The following TRAPPC9 variants were observed in gnomAD, a reference collection of about 807,000 sequenced individuals.
The protein encoded by TRAPPC9 is trafficking protein particle complex subunit 9, also known as IKK2 binding protein.
Under a neutral mutation model 124.0 loss-of-function variants are expected in TRAPPC9, and 83 were observed. The observed-to-expected ratio is 0.67, with a 90% confidence interval of 0.56 to 0.80. The LOEUF (loss-of-function observed/expected upper bound fraction) is 0.80. Among genes scored for constraint, TRAPPC9 ranks in the 30% least tolerant of loss-of-function variants. The probability of loss-of-function intolerance (pLI) is 0.00; values close to 1 mark genes in which losing one functional copy is unlikely to be tolerated. For synonymous variants in TRAPPC9, 638 were observed against 617.5 expected (o/e 1.03, Z -0.49); for missense variants, 1,302 against 1,508.3 (o/e 0.86, Z 2.27).
chr8:140,248,783 C>T (rs1437104873), intron 16 of TRAPPC9, among the ~76,000 whole-genome samples: 2 of 152,088 alleles, frequency 1.3e-5, no homozygotes, highest in Non-Finnish European at 2.9e-5. Context: ...ACTTCTCTTA[C>T]CCTAGGCTAG....
intron 16 of TRAPPC9, among the ~76,000 whole-genome samples, chr8:140,233,211 T>TC (rs1267609454): frequency 7.6e-5 from 1 of 13,086 alleles, no homozygotes; most frequent in East Asian, 9.0e-4. Context: ...CTTAAGGACT[T>TC]TTTTTTTTTT....
intron 17 of TRAPPC9, among the ~76,000 whole-genome samples, chr8:140,149,776 TC>T (rs2061516218): frequency 6.6e-6 from 1 of 152,144 alleles, no homozygotes; most frequent in South Asian, 2.1e-4. Context: ...TATTTACTAA[TC>T]CCCTTCTCAT....
At chr8:139,879,196 G>A (rs1245895285) in intron 21 of TRAPPC9, among the ~76,000 whole-genome samples, 1 of 152,196 alleles carries the variant, frequency 6.6e-6, no homozygotes, top group Admixed American at 6.5e-5. Flanking sequence ...TGGAAGAATG[G>A]TGAGGGGAGC....
chr8:139,881,709 TGCTAAC>T (rs1489647644), intron 21 of TRAPPC9, among the ~76,000 whole-genome samples: 1 of 151,372 alleles, frequency 6.6e-6, no homozygotes, highest in Non-Finnish European at 1.5e-5. Context: ...GCCTACCAAC[TGCTAAC>T]CATCTCTCTA....
chr8:140,396,243 G>A (rs1054174832), intron 7 of TRAPPC9, among the ~76,000 whole-genome samples: 1 of 145,434 alleles, frequency 6.9e-6, no homozygotes, highest in East Asian at 2.1e-4. Context: ...CCAGGTTCAC[G>A]CCATTCTCCT....
At chr8:140,009,853 A>G (rs1304853496) in intron 18 of TRAPPC9, among the ~76,000 whole-genome samples, 2 of 152,194 alleles carry the variant, frequency 1.3e-5, no homozygotes, top group Non-Finnish European at 2.9e-5. Context: ...CATGAACTCA[A>G]CTTTACTCAT....
At chr8:140,184,453 T>A (rs1320674291) in intron 17 of TRAPPC9, among the ~76,000 whole-genome samples, 1 of 152,172 alleles carries the variant, frequency 6.6e-6, no homozygotes, top group Non-Finnish European at 1.5e-5. Flanking sequence ...TTTCTCTTTT[T>A]GAGACAGAAT....
chr8:140,323,254 C>T (rs1350385125), intron 9 of TRAPPC9, among the ~76,000 whole-genome samples: 3 of 152,238 alleles, frequency 2.0e-5, no homozygotes, highest in African/African-American at 4.8e-5. Flanking sequence ...CGTTCTCCCA[C>T]ACCTCGCCCT....
At chr8:140,386,547 G>C (rs1225333835) in intron 7 of TRAPPC9, among the ~76,000 whole-genome samples, 1 of 152,110 alleles carries the variant, frequency 6.6e-6, no homozygotes. Flanking sequence ...GCCAAATCAT[G>C]AGTGAACTCC....
At chr8:140,164,365 T>A (rs2061798314) in intron 17 of TRAPPC9, among the ~76,000 whole-genome samples, 1 of 152,238 alleles carries the variant, frequency 6.6e-6, no homozygotes, top group Non-Finnish European at 1.5e-5. Context: ...GGGCTATTTT[T>A]CACATTTCTC....
At chr8:139,999,636 C>T (rs942797218) in intron 18 of TRAPPC9, among the ~76,000 whole-genome samples, 1 of 151,886 alleles carries the variant, frequency 6.6e-6, no homozygotes, top group African/African-American at 2.4e-5. Flanking sequence ...AAGTGCACAG[C>T]AACATTCAAC....
chr8:139,905,685 A>G (rs1191179945), intron 20 of TRAPPC9, among the ~76,000 whole-genome samples: 2 of 152,200 alleles, frequency 1.3e-5, no homozygotes, highest in Admixed American at 1.3e-4. Flanking sequence ...GGTGGCAGGT[A>G]GTGAGGAAAG....
intron 17 of TRAPPC9, among the ~76,000 whole-genome samples, chr8:140,142,671 A>G (rs2061400254): frequency 6.6e-6 from 1 of 152,164 alleles, no homozygotes; most frequent in Non-Finnish European, 1.5e-5. Context: ...TCTTACCCAC[A>G]TTTCTCATAA....
chr8:139,998,041 TAGACAATGCATCCTACACAGGG>T (rs1838154789), intron 18 of TRAPPC9, among the ~76,000 whole-genome samples: 3 of 104,820 alleles, frequency 2.9e-5, no homozygotes, highest in South Asian at 3.0e-4. Context: ...CCTACACAGG[TAGACAATGCATCCTACACAGGG>T]AGACAATGCA....
intron 19 of TRAPPC9, among the ~76,000 whole-genome samples, chr8:139,963,514 G>A (rs1835481765): frequency 6.6e-6 from 1 of 152,040 alleles, no homozygotes; most frequent in African/African-American, 2.4e-5. Context: ...GGAGGGATGG[G>A]AGACTCGTCC....
rs562748024 is a variant in TRAPPC9 at position 140,273,556 on chromosome 8, T to C, written c.2278+2102A>G. 1.1e-4 allele frequency among the ~76,000 whole-genome samples: 17 copies of C among 152,314 alleles called. No individual in the cohort carries two copies. In the South Asian group the frequency reaches 2.9e-3, roughly 26 times the overall value. ...AGGTTGTGTGATCAGTGAGCTCCAA[T>C]GCCTCCTTCCCCTCCCACCCCAGGC... On this transcript the variant is annotated intron_variant, in intron 15 of 22. Transcript: ENST00000438773.
At chr8:140,312,793 T>G (rs969281055) in intron 9 of TRAPPC9, among the ~76,000 whole-genome samples, 2 of 147,148 alleles carry the variant, frequency 1.4e-5, no homozygotes, top group East Asian at 4.2e-4. Context: ...AGGATCTCAC[T>G]CTGTCTCCCA....
In TRAPPC9 at chr8:139,912,027, A is replaced by G. The variant is rs567568312; in HGVS notation, c.2811-1727T>C. On this transcript the variant is annotated intron_variant, in intron 19 of 22. Coordinates refer to ENST00000438773, the MANE Select transcript of TRAPPC9 (RefSeq NM_001160372.4). Reference sequence around the variant, plus strand: ...GAGGACAGTGCTTTTGTGGCAAAACATGGTTTTTAAAAAAATCACTTTTAC... The same window carrying G: ...GAGGACAGTGCTTTTGTGGCAAAACGTGGTTTTTAAAAAAATCACTTTTAC... Among the ~76,000 whole-genome samples, 535 of 152,294 alleles carry G rather than the reference A, an allele frequency of 3.5e-3. 2 individuals are homozygous for G. The highest frequency in any genetic ancestry group is 0.012 in the African/African-American group (519 of 41,558).
chr8:140,031,227 C>T (rs1369896047), intron 17 of TRAPPC9, among the ~76,000 whole-genome samples: 2 of 152,120 alleles, frequency 1.3e-5, no homozygotes, highest in Non-Finnish European at 1.5e-5. Flanking sequence ...TTATGATTCA[C>T]CATAATTAAA....
Sources: allele counts gnomAD v4.1 joint callset (sites outside exome capture counted in the v4.1 genomes callset), GRCh38; gene constraint gnomAD v4.1.1; transcripts MANE v1.5; gene names NCBI Gene and HGNC (gene_info 2026-07-23, HGNC 2026-07-21).